GATAD2A: variants seen among roughly 807,000 people sequenced by gnomAD.
GATAD2A encodes transcriptional repressor p66-alpha.
GATAD2A carries 12 observed loss-of-function variants against 68.5 expected under a neutral mutation model. That is an observed-to-expected ratio of 0.18 (90% CI 0.11 to 0.28). GATAD2A has a LOEUF of 0.28. GATAD2A is among the 10% of genes least tolerant of loss of function. The probability of loss-of-function intolerance (pLI) is 1.00; values close to 1 mark genes in which losing one functional copy is unlikely to be tolerated. For synonymous variants in GATAD2A, 410 were observed against 375.3 expected (o/e 1.09, Z -1.07); for missense variants, 755 against 868.5 (o/e 0.87, Z 1.64).
chr19:19,417,051 C>T (rs1488285540), intron 1 of GATAD2A, among the ~76,000 whole-genome samples: 2 of 152,178 alleles, frequency 1.3e-5, no homozygotes, highest in Non-Finnish European at 2.9e-5. Context: ...TGTGAGCCAC[C>T]GTGCCCGGCC....
chr19:19,390,179 G>T (rs1292940068), intron 1 of GATAD2A, among the ~76,000 whole-genome samples: 5 of 152,200 alleles, frequency 3.3e-5, no homozygotes, highest in African/African-American at 1.2e-4. Context: ...TTAGTTATGT[G>T]GCCTTGGACA....
intron 2 of GATAD2A, among the ~76,000 whole-genome samples, chr19:19,475,159 G>C (rs983611665): frequency 1.3e-5 from 2 of 152,214 alleles, no homozygotes; most frequent in African/African-American, 4.8e-5. Context: ...AGCTGCTCCC[G>C]GCCCGCCGGC....
chr19:19,476,666 G>A (rs544536667), intron 2 of GATAD2A, among the ~76,000 whole-genome samples: 146 of 152,344 alleles, frequency 9.6e-4, no homozygotes, highest in African/African-American at 3.3e-3. Context: ...TGGTGAAGGA[G>A]TGGAGCGAAG....
intron 1 of GATAD2A, among the ~76,000 whole-genome samples, chr19:19,460,969 G>A (rs572784820): frequency 7.9e-4 from 121 of 152,214 alleles, no homozygotes; most frequent in African/African-American, 2.7e-3. Context: ...TGACTGCCCC[G>A]TGCTCTGCCT....
intron 1 of GATAD2A, among the ~76,000 whole-genome samples, chr19:19,395,860 T>C (rs1376421161): frequency 1.3e-5 from 2 of 152,224 alleles, no homozygotes; most frequent in Non-Finnish European, 2.9e-5. Flanking sequence ...TACCACTTGC[T>C]GGCATGTGAC....
chr19:19,404,228 CTGTT>C (rs1420816311), upstream of GATAD2A, among the ~76,000 whole-genome samples: 1 of 150,678 alleles, frequency 6.6e-6, no homozygotes, highest in African/African-American at 2.4e-5. Context: ...TTTTTGAACT[CTGTT>C]TAAGGGGACA....
chr19:19,399,444 G>A (rs1013917822), intron 1 of GATAD2A, among the ~76,000 whole-genome samples: 4 of 152,098 alleles, frequency 2.6e-5, no homozygotes, highest in Admixed American at 6.6e-5. Context: ...GCCCGCCTGG[G>A]TCTCCCAAAG....
intron 11 of GATAD2A, 82 bp from the exon 12 acceptor site, chr19:19,505,262 G>C: frequency 1.5e-6 from 2 of 1,376,714 alleles, no homozygotes; most frequent in South Asian, 2.4e-5. Flanking sequence ...TTGGGGCTGG[G>C]GTCTAGGCAG....
intron 1 of GATAD2A, among the ~76,000 whole-genome samples, chr19:19,407,587 C>T (rs1568703408): frequency 6.6e-6 from 1 of 152,232 alleles, no homozygotes; most frequent in African/African-American, 2.4e-5. Context: ...GAGCATTTCC[C>T]TGGCGCTTCT....
chr19:19,420,177 GTTTTTTTTTTTTTT>G (rs71170684), intron 1 of GATAD2A, among the ~76,000 whole-genome samples: 3 of 89,922 alleles, frequency 3.3e-5, no homozygotes, highest in Non-Finnish European at 6.4e-5. Context: ...TATCCAGCTA[GTTTTTTTTTTTTTT>G]TTTTTTTTTT....
At chr19:19,437,395 G>A (rs1483256829) in intron 1 of GATAD2A, among the ~76,000 whole-genome samples, 1 of 152,186 alleles carries the variant, frequency 6.6e-6, no homozygotes, top group Non-Finnish European at 1.5e-5. Flanking sequence ...CTCCCAAAGT[G>A]TTGGGCATAC....
upstream of GATAD2A, among the ~76,000 whole-genome samples, chr19:19,405,082 CCTT>C (rs1482808644): frequency 6.6e-6 from 1 of 152,134 alleles, no homozygotes; most frequent in Non-Finnish European, 1.5e-5. Context: ...GGGGTTTTCA[CCTT>C]CTCCCTGAGG....
chr19:19,498,624 C>T lies in GATAD2A; in HGVS notation c.1106C>T (p.Pro369Leu), dbSNP rs762789135. 67 of 1,613,598 alleles carry T rather than the reference C, an allele frequency of 4.2e-5. No homozygotes were observed. The highest frequency in any genetic ancestry group is 4.2e-6 in the Non-Finnish European group (5 of 1,179,814). Residue 369 changes from proline to leucine, a missense_variant, in exon 8 of 12, where the codon CCA (proline) becomes CTA (leucine). Transcript: ENST00000683918. Reference sequence around the variant, plus strand: ...CTCGAGATCCCCCCACCCAAGCCCCCAGCCCCAGAGATGAACTTCCTGCCC... The same window carrying T: ...CTCGAGATCCCCCCACCCAAGCCCCTAGCCCCAGAGATGAACTTCCTGCCC... The part of the protein sequence containing the change: ...TLLEIPPPKP[P>L]APEMNFLPSA...
chr19:19,505,973 ATTT>A lies in GATAD2A; in HGVS notation c.*511_*513del. The stretch of plus-strand genomic sequence containing the variant: ...CCCATGGCGATCTATAAGTTGAAAG[ATTT>A]TTTTTTTTTTTAATCACCTCATGAT... On this transcript the variant is annotated 3_prime_UTR_variant, in exon 12 of 12. Coordinates refer to ENST00000683918, the MANE Select transcript of GATAD2A (RefSeq NM_001384528.1). 2 of 373,694 alleles carry A rather than the reference ATTT, an allele frequency of 5.4e-6. No homozygotes were observed. Among genetic ancestry groups the A allele is most frequent in the Non-Finnish European group, 9.4e-6 (2 of 212,262 alleles). The allele number at this position is 373,694 out of a possible 1,614,324, so 23.1% of individuals were successfully genotyped here. A position where few individuals can be genotyped will look rare whatever the true frequency, so the allele number is the denominator to read the frequency against.
In GATAD2A at chr19:19,488,233, C is replaced by T. The variant is rs376994464; in HGVS notation, c.270-4073C>T. Among the ~76,000 whole-genome samples, 802 of 152,370 alleles carry T rather than the reference C, an allele frequency of 5.3e-3. 6 individuals carry two copies. The highest frequency in any genetic ancestry group is 0.041 in the South Asian group (197 of 4,830). On this transcript the variant is annotated intron_variant, in intron 2 of 11. Transcript: ENST00000683918. ...GGCCAGCCCCAAGCCCACCTACAGC[C>T]TTGCCCCCACCTGCCGCTCCCCTGT...
chr19:19,419,880 G>A (rs1003133643), intron 1 of GATAD2A, among the ~76,000 whole-genome samples: 1 of 151,982 alleles, frequency 6.6e-6, no homozygotes, highest in Non-Finnish European at 1.5e-5. Flanking sequence ...TCCTAGGACC[G>A]TCTCAATCAG....
At chr19:19,488,967 T>A (rs2059614700) in intron 2 of GATAD2A, among the ~76,000 whole-genome samples, 1 of 152,246 alleles carries the variant, frequency 6.6e-6, no homozygotes, top group African/African-American at 2.4e-5. Flanking sequence ...CATGTTGGGC[T>A]AGATTTCCAC....
intron 1 of GATAD2A, among the ~76,000 whole-genome samples, chr19:19,407,134 G>A (rs191863047): frequency 6.6e-6 from 1 of 152,300 alleles, no homozygotes; most frequent in African/African-American, 2.4e-5. Flanking sequence ...CCTGGCTGTG[G>A]CAGCACAGAA....
chr19:19,480,775 A>G (rs1017021886), intron 2 of GATAD2A, among the ~76,000 whole-genome samples: 2 of 152,334 alleles, frequency 1.3e-5, no homozygotes, highest in East Asian at 3.9e-4. Context: ...ACTTGTGGCC[A>G]TTCTGCACTG....
Sources: gnomAD v4.1 joint callset for allele counts (sites outside exome capture counted in the v4.1 genomes callset) on GRCh38, gnomAD v4.1.1 for gene constraint, MANE v1.5 for transcripts, NCBI Gene and HGNC (gene_info 2026-07-23, HGNC 2026-07-21) for gene names.